NYAP2: variants seen among roughly 807,000 people sequenced by gnomAD.
NYAP2 encodes the protein neuronal tyrosine-phosphorylated phosphoinositide-3-kinase adapter 2.
In NYAP2, 23 loss-of-function variants were observed where a neutral mutation model predicts 50.4. The ratio of observed to expected loss-of-function variants is 0.46; its 90% confidence interval spans 0.33 to 0.65. The LOEUF is 0.65. NYAP2 is among the 30% of genes least tolerant of loss of function. The pLI is 0.02. For synonymous variants in NYAP2, 394 were observed against 365.2 expected (o/e 1.08, Z -0.90); for missense variants, 885 against 861.0 (o/e 1.03, Z -0.35).
chr2:225,481,450 T>G (rs2106165318), intron 3 of NYAP2, among the ~76,000 whole-genome samples: 1 of 152,286 alleles, frequency 6.6e-6, no homozygotes, highest in East Asian at 1.9e-4. Flanking sequence ...GTTCTCAACT[T>G]CAACATTAAG....
At chr2:225,497,052 G>A (rs112311419) in intron 3 of NYAP2, among the ~76,000 whole-genome samples, 29 of 152,220 alleles carry the variant, frequency 1.9e-4, no homozygotes, top group African/African-American at 5.5e-4. Flanking sequence ...AACACTGGAC[G>A]CTGACACCCC....
At chr2:225,437,863 C>T (rs1689406968) in intron 3 of NYAP2, among the ~76,000 whole-genome samples, 1 of 152,192 alleles carries the variant, frequency 6.6e-6, no homozygotes, top group East Asian at 1.9e-4. Flanking sequence ...ATTCTATCAT[C>T]TCAATTCTCT....
intron 3 of NYAP2, among the ~76,000 whole-genome samples, chr2:225,443,607 A>T (rs866563235): frequency 6.6e-5 from 10 of 151,750 alleles, no homozygotes; most frequent in East Asian, 1.9e-4. Flanking sequence ...TGTCTAAAAT[A>T]AAAAAAAAGA....
chr2:225,482,709 T>G (rs1420487799), intron 3 of NYAP2, among the ~76,000 whole-genome samples: 1 of 152,178 alleles, frequency 6.6e-6, no homozygotes, highest in East Asian at 1.9e-4. Context: ...TGTCACCTCC[T>G]TCTTTCCCTT....
intron 5 of NYAP2, among the ~76,000 whole-genome samples, chr2:225,598,655 T>C (rs1692646868): frequency 6.6e-6 from 1 of 152,250 alleles, no homozygotes; most frequent in African/African-American, 2.4e-5. Context: ...GCTAACCTCC[T>C]AAATACAGAT....
chr2:225,474,088 T>G (rs975727737), intron 3 of NYAP2, among the ~76,000 whole-genome samples: 1 of 152,260 alleles, frequency 6.6e-6, no homozygotes, highest in African/African-American at 2.4e-5. Context: ...ATTTCTTGTT[T>G]TTGTCAGGTT....
chr2:225,427,413 C>T (rs138377583), intron 3 of NYAP2, among the ~76,000 whole-genome samples: 122 of 152,294 alleles, frequency 8.0e-4, no homozygotes, highest in African/African-American at 2.9e-3. Flanking sequence ...TCCCAATGTC[C>T]GTCTTGACAG....
chr2:225,468,143 A>G (rs2106157570), intron 3 of NYAP2, among the ~76,000 whole-genome samples: 2 of 152,290 alleles, frequency 1.3e-5, no homozygotes, highest in Middle Eastern at 3.4e-3. Context: ...TATAAATATA[A>G]CCTTATTTGG....
chr2:225,425,288 A>G (rs933860758), intron 3 of NYAP2, among the ~76,000 whole-genome samples: 1 of 152,024 alleles, frequency 6.6e-6, no homozygotes, highest in East Asian at 1.9e-4. Context: ...ATCAGCATTT[A>G]TATTTTTCTT....
intron 3 of NYAP2, among the ~76,000 whole-genome samples, chr2:225,494,721 G>T (rs746973864): frequency 1.3e-5 from 2 of 152,130 alleles, no homozygotes; most frequent in Admixed American, 6.6e-5. Context: ...CTATGGAAAG[G>T]TTATTTACTT....
intron 4 of NYAP2, among the ~76,000 whole-genome samples, chr2:225,538,842 CTTT>C (rs1559208724): frequency 5.6e-4 from 28 of 49,746 alleles, no homozygotes; most frequent in Middle Eastern, 9.3e-3. Context: ...TTCTTTCTTT[CTTT>C]CTTTGTTTTT....
At chr2:225,598,009 G>C (rs564994932) in intron 5 of NYAP2, among the ~76,000 whole-genome samples, 2 of 152,066 alleles carry the variant, frequency 1.3e-5, no homozygotes, top group South Asian at 2.1e-4. Context: ...ATCATTCTAC[G>C]ACCTGAGGTT....
upstream of NYAP2, among the ~76,000 whole-genome samples, chr2:225,398,557 A>G (rs1321725462): frequency 2.6e-5 from 4 of 151,850 alleles, no homozygotes; most frequent in African/African-American, 9.7e-5. Context: ...GGTGGCTGTT[A>G]CTAGTTTATA....
At chr2:225,405,025 A>G (rs757084008) in intron 2 of NYAP2, among the ~76,000 whole-genome samples, 6 of 152,104 alleles carry the variant, frequency 3.9e-5, no homozygotes, top group Non-Finnish European at 8.8e-5. Flanking sequence ...GTGCATTGCA[A>G]AGAGAACACA....
chr2:225,403,990 G>A (rs1335876002), intron 2 of NYAP2, among the ~76,000 whole-genome samples: 2 of 151,920 alleles, frequency 1.3e-5, no homozygotes, highest in African/African-American at 4.8e-5. Flanking sequence ...AAGATGGCAT[G>A]CCTAATATTT....
At chr2:225,398,709 C>T (rs548555968), upstream of NYAP2, among the ~76,000 whole-genome samples, 15 of 152,038 alleles carry the variant, frequency 9.9e-5, no homozygotes, top group Non-Finnish European at 1.3e-4. Context: ...TTCTCTTCCC[C>T]GTTTGTATTT....
intron 4 of NYAP2, among the ~76,000 whole-genome samples, chr2:225,569,044 T>C (rs76506472): frequency 0.037 from 5,632 of 152,186 alleles, 329 homozygotes; most frequent in African/African-American, 0.13. Context: ...AATTTCTTCA[T>C]AGGGGAAGGG....
chr2:225,563,806 T>A (rs1691914529), intron 4 of NYAP2, among the ~76,000 whole-genome samples: 1 of 152,138 alleles, frequency 6.6e-6, no homozygotes, highest in South Asian at 2.1e-4. Context: ...TTCTTTAAAT[T>A]CCTGTTAATA....
chr2:225,415,265 A>G (rs1258627996), intron 3 of NYAP2, among the ~76,000 whole-genome samples: 1 of 152,208 alleles, frequency 6.6e-6, no homozygotes, highest in Non-Finnish European at 1.5e-5. Flanking sequence ...AAGATTCAGT[A>G]TTTCTGTTAC....
Sources: allele counts gnomAD v4.1 joint callset (sites outside exome capture counted in the v4.1 genomes callset), GRCh38; gene constraint gnomAD v4.1.1; transcripts MANE v1.5; gene names NCBI Gene and HGNC (gene_info 2026-07-23, HGNC 2026-07-21).